PPP2R5A: variants seen among roughly 807,000 people sequenced by gnomAD.
The protein encoded by PPP2R5A is serine/threonine-protein phosphatase 2A 56 kDa regulatory subunit alpha isoform.
PPP2R5A carries 25 observed loss-of-function variants against 64.2 expected under a neutral mutation model. That is an observed-to-expected ratio of 0.39 (90% confidence interval 0.28 to 0.54). PPP2R5A has a LOEUF of 0.54. Ranked by LOEUF, PPP2R5A falls within the 20% of genes least tolerant of loss-of-function variation. PPP2R5A has a pLI of 0.67. For missense variants in PPP2R5A, 425 were observed against 576.3 expected, an observed-to-expected ratio of 0.74 and a Z score of 2.69; for synonymous variants, 198 against 201.2, an observed-to-expected ratio of 0.98 and a Z score of 0.13.
chr1:212,343,703 T>A (rs1207407435), intron 4 of PPP2R5A, among the ~76,000 whole-genome samples: 2 of 152,254 alleles, frequency 1.3e-5, no homozygotes, highest in Admixed American at 1.3e-4. Flanking sequence ...TTTTGGTAAT[T>A]GCAAATGAAT....
intron 3 of PPP2R5A, among the ~76,000 whole-genome samples, chr1:212,341,095 G>A (rs1338559283): frequency 2.0e-5 from 3 of 152,080 alleles, no homozygotes; most frequent in Non-Finnish European, 4.4e-5. Flanking sequence ...TACCTATTAG[G>A]TTACAATAAA....
chr1:212,315,510 G>A (rs1274912106), intron 1 of PPP2R5A, among the ~76,000 whole-genome samples: 2 of 152,084 alleles, frequency 1.3e-5, no homozygotes, highest in East Asian at 1.9e-4. Context: ...TTCATAAATC[G>A]ACATTAAAGA....
At chr1:212,286,366 T>A in intron 1 of PPP2R5A, 75 bp downstream of exon 1, 1 of 1,373,668 alleles carries the variant, frequency 7.3e-7, no homozygotes, top group African/African-American at 1.5e-5. Flanking sequence ...GCAGAGCCAT[T>A]TCCTGCTGGG....
At chr1:212,324,068 T>A (rs1402606417) in intron 1 of PPP2R5A, among the ~76,000 whole-genome samples, 29 of 149,406 alleles carry the variant, frequency 1.9e-4, no homozygotes, top group African/African-American at 6.9e-4. Flanking sequence ...CAAGACTCCA[T>A]CTCAAAAAAA....
intron 1 of PPP2R5A, chr1:212,301,844 C>G: frequency 7.9e-7 from 1 of 1,272,596 alleles, no homozygotes; most frequent in Middle Eastern, 3.1e-4. Context: ...AGCATGAATC[C>G]TATATGAGAT....
Position 212,323,499 on chromosome 1 carries a change from C to G in PPP2R5A, c.182-5636C>G, listed in dbSNP as rs1659350389. ...CTATATCATAATACCTAAAAATAAT[C>G]AAGAATTGGAAACTTCTGTTTTAAC... On this transcript the variant is annotated intron_variant, in intron 1 of 12. Coordinates refer to ENST00000261461, the MANE Select transcript of PPP2R5A (RefSeq NM_006243.4). Among the ~76,000 whole-genome samples the G allele has an allele frequency of 2.0e-5, 3 of 152,248 alleles. No individual in the cohort carries two copies. In the South Asian group the frequency reaches 6.2e-4, roughly 32 times the overall value.
intron 1 of PPP2R5A, among the ~76,000 whole-genome samples, chr1:212,290,630 C>T (rs562270309): frequency 1.3e-5 from 2 of 152,274 alleles, no homozygotes; most frequent in Admixed American, 6.5e-5. Flanking sequence ...ATTTTAACAT[C>T]TTTAGAATTC....
chr1:212,341,392 T>C (rs2102440190), intron 3 of PPP2R5A, among the ~76,000 whole-genome samples: 1 of 152,346 alleles, frequency 6.6e-6, no homozygotes, highest in Middle Eastern at 3.4e-3. Flanking sequence ...ACTGTAGTTT[T>C]ATAGAAAGAC....
At chr1:212,357,638 C>A (rs12745506) in intron 11 of PPP2R5A, among the ~76,000 whole-genome samples, 45,112 of 151,456 alleles carry the variant, frequency 0.3, 7,211 homozygotes, top group Non-Finnish European at 0.37. Context: ...CCCATCTCTA[C>A]TAAAACTACA....
At chr1:212,325,063 T>C (rs1659383465) in intron 1 of PPP2R5A, among the ~76,000 whole-genome samples, 1 of 152,154 alleles carries the variant, frequency 6.6e-6, no homozygotes, top group Non-Finnish European at 1.5e-5. Flanking sequence ...CAAATAAATA[T>C]TTATTAACTC....
In PPP2R5A at chr1:212,348,448, T is replaced by C. The variant is rs1285441380; in HGVS notation, c.824T>C (p.Val275Ala). 6.2e-7 allele frequency: 1 copy of C among 1,610,236 alleles called. No individual in the cohort carries two copies. The highest frequency in any genetic ancestry group is 1.7e-5 in the Admixed American group (1 of 59,954). ...KAEHKQFLMK[V>A]LIPMHTAKGL... ...GAACATAAACAATTTCTAATGAAGG[T>C]TCTTATTCCTATGCATACTGCAAAA... Residue 275 changes from valine to alanine, a missense_variant, in exon 7 of 13, where the codon GTT (valine) becomes GCT (alanine). By Grantham distance (64) the Val-to-Ala change is moderately conservative. Around this residue, in one of 4 missense-constraint regions of PPP2R5A, gnomAD observed 177 missense variants for 244.8 expected, o/e 0.72. Transcript: ENST00000261461.
chr1:212,327,684 G>A (rs995597103), intron 1 of PPP2R5A, among the ~76,000 whole-genome samples: 1 of 152,212 alleles, frequency 6.6e-6, no homozygotes, highest in Non-Finnish European at 1.5e-5. Flanking sequence ...AAAGTGCTGG[G>A]ATTACAGGCA....
At chr1:212,319,947 G>GTT (rs71137742) in intron 1 of PPP2R5A, among the ~76,000 whole-genome samples, 13 of 103,342 alleles carry the variant, frequency 1.3e-4, no homozygotes, top group South Asian at 3.1e-4. Flanking sequence ...CTTACAGATT[G>GTT]TTTTTTTTTT....
chr1:212,329,007 G>T, intron 1 of PPP2R5A, 128 bp from the exon 2 acceptor site: 1 of 592,790 alleles, frequency 1.7e-6, no homozygotes. Context: ...GGTTATAGAT[G>T]GGCACATTTC....
At chr1:212,349,605 C>T (rs181676257) in intron 8 of PPP2R5A, among the ~76,000 whole-genome samples, 4 of 152,168 alleles carry the variant, frequency 2.6e-5, no homozygotes, top group Admixed American at 2.0e-4. Context: ...AAAACTACTA[C>T]TCCCTTGAAT....
At chr1:212,310,402 A>C (rs547002591) in intron 1 of PPP2R5A, among the ~76,000 whole-genome samples, 17 of 152,262 alleles carry the variant, frequency 1.1e-4, no homozygotes, top group African/African-American at 3.9e-4. Context: ...ACTGTTTTTA[A>C]GAGTACCCTT....
chr1:212,348,567 A>G (rs1659823556), intron 7 of PPP2R5A, 70 bp downstream of exon 7: 1 of 1,068,854 alleles, frequency 9.4e-7, no homozygotes. Context: ...AGAGAAATTG[A>G]GAAATACTGA....
intron 1 of PPP2R5A, among the ~76,000 whole-genome samples, chr1:212,315,523 A>G (rs892406245): frequency 6.6e-6 from 1 of 152,246 alleles, no homozygotes. Flanking sequence ...ATTAAAGAAC[A>G]TAATGTAAAA....
chr1:212,319,618 C>CTTTTTTTTTTTTTTTTT (rs11417541), intron 1 of PPP2R5A: 6 of 126,968 alleles, frequency 4.7e-5, no homozygotes, highest in African/African-American at 1.6e-4. Flanking sequence ...GTTTTCTTTT[C>CTTTTTTTTTTTTTTTTT]TTTTTTTTTT....
Sources: gnomAD v4.1 joint callset for allele counts (sites outside exome capture counted in the v4.1 genomes callset) on GRCh38, gnomAD v4.1.1 for gene constraint, gnomAD v4.1.1 regional missense constraint, MANE v1.5 for transcripts, NCBI Gene and HGNC (gene_info 2026-07-23, HGNC 2026-07-21) for gene names.